The following LUC7L2 variants were observed in gnomAD, a reference collection of about 807,000 sequenced individuals.
The protein encoded by LUC7L2 is putative RNA-binding protein Luc7-like 2.
A neutral mutation model predicts 52.8 loss-of-function variants in LUC7L2; 25 were observed. That is an observed-to-expected ratio of 0.47 (90% CI 0.34 to 0.66). The LOEUF is 0.66. Ranked by LOEUF, LUC7L2 falls within the 30% of genes least tolerant of loss-of-function variation. LUC7L2 has a pLI of 0.01. For synonymous variants in LUC7L2, 144 were observed against 160.9 expected (o/e 0.89, Z 0.80); for missense variants, 328 against 497.8 (o/e 0.66, Z 3.25).
chr7:139,398,137 G>A (rs1794739879), intron 2 of LUC7L2, among the ~76,000 whole-genome samples: 1 of 152,192 alleles, frequency 6.6e-6, no homozygotes, highest in Non-Finnish European at 1.5e-5. Context: ...GGGATTACAG[G>A]CATGAGCCAC....
rs373243009 is a variant in LUC7L2, at chr7:139,422,277, G to C, written c.1116G>C (p.Glu372Asp). 2.5e-6 allele frequency: 4 copies of C among 1,614,076 alleles called. No homozygotes were observed. The African/African-American group carries it at 5.3e-5, about 22-fold the overall frequency. ...GGAAAGATAAGAAGCGGTCCTATGA[G>C]AGTGCTAATGGCAGATCAGAAGACA... ...RDRKDKKRSY[E>D]SANGRSEDRR... The change falls in exon 10 of 10, where the codon GAG becomes GAC. Residue 372 changes from glutamate (E) to aspartate (D), a missense_variant. Physicochemically the swap from Glu to Asp is conservative, Grantham distance 45 (BLOSUM62 2). Coordinates refer to ENST00000354926, the MANE Select transcript of LUC7L2 (RefSeq NM_016019.5).
chr7:139,417,259 T>C, intron 8 of LUC7L2: 2 of 316,770 alleles, frequency 6.3e-6, no homozygotes, highest in Non-Finnish European at 1.2e-5. Context: ...TAGGCTGGTC[T>C]TGAAATCCTG....
intron 9 of LUC7L2, among the ~76,000 whole-genome samples, chr7:139,417,956 T>C (rs1795700496): frequency 6.6e-6 from 1 of 152,226 alleles, no homozygotes; most frequent in African/African-American, 2.4e-5. Context: ...CCAATATGTG[T>C]AGAGGTTATT....
Position 139,360,260 on chromosome 7 carries a change from C to A in LUC7L2, c.-2C>A, listed in dbSNP as rs1481274100. The A allele has an allele frequency of 2.6e-6, 4 of 1,557,224 alleles. No homozygotes were observed. In the East Asian group the frequency reaches 9.7e-5, roughly 38 times the overall value. ...CGCCCGTCCGCCCGCTACGCCGCCG[C>A]CATGTCGGCGCAGGCCCAGATGCGC... On this transcript the variant is annotated 5_prime_UTR_variant, in exon 1 of 10. Transcript: ENST00000354926.
intron 2 of LUC7L2, among the ~76,000 whole-genome samples, chr7:139,376,668 G>A (rs1201396755): frequency 2.6e-5 from 4 of 152,172 alleles, no homozygotes. Context: ...TGTCTGCAGA[G>A]ATGTTGATCT....
chr7:139,394,641 A>G (rs745944252), intron 2 of LUC7L2, among the ~76,000 whole-genome samples: 14 of 152,202 alleles, frequency 9.2e-5, no homozygotes, highest in Non-Finnish European at 1.9e-4. Flanking sequence ...TGATCAGGGA[A>G]CTGATGAAAG....
intron 7 of LUC7L2, among the ~76,000 whole-genome samples, chr7:139,410,996 T>A (rs529227326): frequency 7.5e-4 from 114 of 152,342 alleles, no homozygotes; most frequent in Middle Eastern, 3.4e-3. Context: ...AGAGCTTTTA[T>A]CTACTTGTTC....
At chr7:139,399,191 C>T (rs542898795) in intron 3 of LUC7L2, among the ~76,000 whole-genome samples, 1 of 152,030 alleles carries the variant, frequency 6.6e-6, no homozygotes, top group South Asian at 2.1e-4. Flanking sequence ...CCGTACTGAA[C>T]ATGTACAGAC....
intron 2 of LUC7L2, among the ~76,000 whole-genome samples, chr7:139,387,520 T>C (rs1200722561): frequency 1.3e-5 from 2 of 152,120 alleles, no homozygotes; most frequent in African/African-American, 4.8e-5. Flanking sequence ...ATACGAGAGC[T>C]CTTGTTTCCT....
At chr7:139,371,460 A>G in intron 1 of LUC7L2, 1 of 1,404,298 alleles carries the variant, frequency 7.1e-7, no homozygotes, top group Non-Finnish European at 9.5e-7. Context: ...ATCGGAGAGA[A>G]TGGGTAAAGT....
intron 2 of LUC7L2, among the ~76,000 whole-genome samples, chr7:139,393,554 A>ATT: frequency 6.6e-6 from 1 of 152,214 alleles, no homozygotes; most frequent in East Asian, 1.9e-4. Flanking sequence ...TCAAGTGATT[A>ATT]TTGTACCTCA....
chr7:139,364,101 C>T (rs992590416), intron 1 of LUC7L2, among the ~76,000 whole-genome samples: 7 of 150,380 alleles, frequency 4.7e-5, no homozygotes, highest in African/African-American at 1.7e-4. Flanking sequence ...TCTCCTGCCT[C>T]AGCCTCCCGA....
In LUC7L2 at chr7:139,348,588, G is replaced by A. The variant is rs190827267; in HGVS notation, c.-26+8071G>A. Among the ~76,000 whole-genome samples, 17 of 151,798 alleles carry A rather than the reference G, an allele frequency of 1.1e-4. No homozygotes were observed. The East Asian group carries it at 2.5e-3, about 23-fold the overall frequency. ...ACAAAAATTAGCTGGACTTAGTGGT[G>A]TGTGCCTGTAGTCCCAGCTACTCTG... On this transcript the variant is annotated intron_variant, in intron 1 of 10. Coordinates refer to the LUC7L2 transcript ENST00000541170.
chr7:139,405,650 C>A lies in LUC7L2; in HGVS notation c.373C>A (p.Arg125Ser). 1.3e-6 allele frequency: 2 copies of A among 1,594,534 alleles called. No homozygotes were observed. The highest frequency in any genetic ancestry group is 1.7e-6 in the Non-Finnish European group (2 of 1,174,336). ...ISAEVAAKAE[R>S]VHELNEEIGK... ...CTTTTTTATTTCTTTTTAGGCAGAACGTGTTCATGAGTTAAATGAAGAAAT... is the reference window on the plus strand; with the variant it reads ...CTTTTTTATTTCTTTTTAGGCAGAAAGTGTTCATGAGTTAAATGAAGAAAT... Residue 125 changes from arginine (R) to serine (S), a missense_variant, in exon 5 of 10, where the codon CGT (arginine) becomes AGT (serine). By Grantham distance (110) the Arg-to-Ser change is moderately radical. Around this residue, in one of 2 missense-constraint regions of LUC7L2, gnomAD observed 133 missense variants for 274.4 expected, o/e 0.48. Transcript: ENST00000354926.
At chr7:139,350,270 C>G (rs35103167) in intron 1 of LUC7L2, among the ~76,000 whole-genome samples, 1 of 152,010 alleles carries the variant, frequency 6.6e-6, no homozygotes, top group Non-Finnish European at 1.5e-5. Context: ...TACAGGCGCC[C>G]GCCACCACGC....
At chr7:139,349,624 C>CG (rs967296487) in intron 1 of LUC7L2, among the ~76,000 whole-genome samples, 3 of 150,400 alleles carry the variant, frequency 2.0e-5, no homozygotes, top group Non-Finnish European at 4.4e-5. Flanking sequence ...TCCCCCCCCC[C>CG]CCACCGGATT....
chr7:139,361,311 T>G (rs1313193407), intron 1 of LUC7L2, among the ~76,000 whole-genome samples: 1 of 152,258 alleles, frequency 6.6e-6, no homozygotes, highest in African/African-American at 2.4e-5. Flanking sequence ...TTTAGGCAGA[T>G]AGTTTCTTAG....
At chr7:139,413,920 T>C (rs1795479212) in intron 8 of LUC7L2, among the ~76,000 whole-genome samples, 1 of 152,230 alleles carries the variant, frequency 6.6e-6, no homozygotes, top group South Asian at 2.1e-4. Flanking sequence ...ATTTCTCTGA[T>C]CTAGCATGAT....
chr7:139,395,013 G>A (rs896946217), intron 2 of LUC7L2, among the ~76,000 whole-genome samples: 1 of 152,190 alleles, frequency 6.6e-6, no homozygotes, highest in Non-Finnish European at 1.5e-5. Flanking sequence ...TCAATATTAT[G>A]TAAAAGTTCC....
Sources: allele counts gnomAD v4.1 joint callset (sites outside exome capture counted in the v4.1 genomes callset), GRCh38; gene constraint gnomAD v4.1.1; regional missense constraint gnomAD v4.1.1; transcripts MANE v1.5; gene names NCBI Gene and HGNC (gene_info 2026-07-23, HGNC 2026-07-21).